Variants in DLG4 observed in about 807,000 individuals in gnomAD.
DLG4 encodes the protein discs large MAGUK scaffold protein 4, also known as disks large homolog 4.
Under a neutral mutation model 93.8 loss-of-function variants are expected in DLG4, and 7 were observed. The ratio of observed to expected loss-of-function variants is 0.07; its 90% confidence interval spans 0.04 to 0.14. The LOEUF (loss-of-function observed/expected upper bound fraction) is 0.14. Ranked by LOEUF, DLG4 falls within the 10% of genes least tolerant of loss-of-function variation. The pLI is 1.00. For synonymous variants in DLG4, 341 were observed against 387.6 expected (o/e 0.88, Z 1.41); for missense variants, 545 against 992.9 (o/e 0.55, Z 6.06).
upstream of DLG4, chr17:7,218,357 C>G (rs2071031455): frequency 5.3e-6 from 8 of 1,503,138 alleles, no homozygotes; most frequent in South Asian, 7.2e-5. Context: ...ATCACCGCTG[C>G]TGGCTGGCTG....
At chr17:7,211,226 A>G (rs2070693688) in intron 1 of DLG4, among the ~76,000 whole-genome samples, 2 of 151,704 alleles carry the variant, frequency 1.3e-5, no homozygotes, top group Non-Finnish European at 2.9e-5. Flanking sequence ...CAGGGCAACT[A>G]AAGCAGGACG....
chr17:7,192,042 G>A (rs754828513), intron 17 of DLG4, 40 bp from the exon 18 acceptor site: 6 of 1,206,308 alleles, frequency 5.0e-6, no homozygotes, highest in Non-Finnish European at 6.8e-6. Flanking sequence ...GCCAGCGGGT[G>A]GCGAGAAAGG....
At position 7,187,312 on chromosome 17, in the gene DLG4, G is replaced by T. The variant is rs540701967; in HGVS notation, c.*3396C>A. Among the ~76,000 whole-genome samples, 2 of 123,890 alleles carry T rather than the reference G, an allele frequency of 1.6e-5. 1 individual carries two copies. Among genetic ancestry groups the T allele is most frequent in the Admixed American group, 1.6e-4 (2 of 12,144 alleles). The allele number at this position is 123,890 out of a possible 152,430, so 81.3% of individuals were successfully genotyped here. On this transcript the variant is annotated 3_prime_UTR_variant, in exon 20 of 20. Coordinates refer to ENST00000399506, the MANE Select transcript of DLG4 (RefSeq NM_001321075.3). ...CCTAGCACTTTGGGAGGCCGAGGGG[G>T]GGGGGGGTGGATCACCCGAGGTCAG...
At position 7,208,296 on chromosome 17, in the gene DLG4, T is replaced by G; in HGVS notation, c.31-57A>C. ...CAGCCCGGTGCCTCAGGCTCCAGGCTGGCCGCCCTGGCCGCCGCCTCTTCC... is the reference window on the plus strand; with the variant it reads ...CAGCCCGGTGCCTCAGGCTCCAGGCGGGCCGCCCTGGCCGCCGCCTCTTCC... On this transcript the variant is annotated intron_variant, in intron 1 of 19. Transcript: ENST00000399506. The surrounding 1 kb of genome is among the most constrained non-coding windows in gnomAD (Gnocchi z 5.4). The G allele has an allele frequency of 7.8e-7, 1 of 1,290,096 alleles. No individual in the cohort carries two copies. The allele number at this position is 1,290,096 out of a possible 1,614,324, so 79.9% of individuals were successfully genotyped here.
At chr17:7,204,444 C>A in intron 2 of DLG4, 192 bp from the exon 3 acceptor site, 2 of 576,100 alleles carry the variant, frequency 3.5e-6, no homozygotes, top group Non-Finnish European at 6.1e-6. Context: ...TGCGCACGCG[C>A]ACACACACGC....
intron 17 of DLG4, chr17:7,192,260 G>A (rs2142816663): frequency 2.4e-6 from 1 of 411,748 alleles, no homozygotes; most frequent in Non-Finnish European, 4.3e-6. Flanking sequence ...GAAGGGAGGA[G>A]CACCAGGCAG....
At position 7,189,280 on chromosome 17, in the gene DLG4, A is replaced by G. The variant is rs1344179064; in HGVS notation, c.*1428T>C. Reference sequence around the variant, plus strand: ...GCTGAGGCGGGTGGATAACAAGGTCAGGAGTTCAAGACCAGCCTGACCAAC... The same window carrying G: ...GCTGAGGCGGGTGGATAACAAGGTCGGGAGTTCAAGACCAGCCTGACCAAC... On this transcript the variant is annotated 3_prime_UTR_variant, in exon 20 of 20. Transcript: ENST00000399506. Among the ~76,000 whole-genome samples, 1 of 151,898 alleles carries G rather than the reference A, an allele frequency of 6.6e-6. No homozygotes were observed. Among genetic ancestry groups the G allele is most frequent in the Admixed American group, 6.6e-5 (1 of 15,256 alleles).
upstream of DLG4, chr17:7,219,279 G>A (rs540106209): frequency 1.5e-3 from 840 of 562,652 alleles, 10 homozygotes; most frequent in African/African-American, 0.016. Flanking sequence ...CTCAGGCCCG[G>A]GAGGAATCCA....
rs2070566251 is a variant in DLG4, at chr17:7,208,183, G to A, written c.87C>T (p.Leu29=). The A allele has an allele frequency of 2.3e-6, 3 of 1,315,732 alleles. No individual in the cohort carries two copies. The African/African-American group carries it at 4.5e-5, about 20-fold the overall frequency. 81.5% of individuals were successfully genotyped at this position (1,315,732 alleles called of 1,614,324 possible). A position where few individuals can be genotyped will look rare whatever the true frequency, so the allele number is the denominator to read the frequency against. Residue 29 remains leucine, a synonymous_variant, in exon 2 of 20, where the codon CTC becomes CTT. Transcript: ENST00000399506. This position sits in a 1 kb window ranked among gnomAD's most constrained non-coding sequence, Gnocchi z 5.4. ...GCTCGGGGGCGTTTACCTGGTTGGG[G>A]AGGTGGGCCGGGCTGTGCTCCAGAG... ...TPPLEHSPAH[L]PNQANSPPVI...
At chr17:7,212,988 G>A (rs539834320) in intron 1 of DLG4, among the ~76,000 whole-genome samples, 2 of 152,164 alleles carry the variant, frequency 1.3e-5, no homozygotes, top group Non-Finnish European at 2.9e-5. Flanking sequence ...AGCCGAGATC[G>A]TGCCACTGCA....
upstream of DLG4, chr17:7,219,921 T>C (rs77051465): frequency 8.4e-3 from 13,042 of 1,555,394 alleles, 86 homozygotes; most frequent in South Asian, 0.02. Context: ...CGCCAGGACG[T>C]GGGCGTGCAG....
chr17:7,205,026 T>A, intron 2 of DLG4: 2 of 985,264 alleles, frequency 2.0e-6, no homozygotes, highest in South Asian at 4.7e-5. Context: ...GCAGAAGGGA[T>A]CCGCTAGCCC....
In DLG4 at chr17:7,193,471, C is replaced by A; in HGVS notation, c.1693+12G>T. On this transcript the variant is annotated intron_variant, in intron 16 of 19. Transcript: ENST00000399506. This position sits in a 1 kb window ranked among gnomAD's most constrained non-coding sequence, Gnocchi z 6.7. ...TTCCACCTTCTCCTCCATCCAAGGC[C>A]CCAGCACTCACGGGGAACACAGGAT... The A allele has an allele frequency of 6.5e-7, 1 of 1,527,950 alleles. No individual in the cohort carries two copies. 94.6% of individuals were successfully genotyped at this position (1,527,950 alleles called of 1,614,324 possible). A position where few individuals can be genotyped will look rare whatever the true frequency, so the allele number is the denominator to read the frequency against.
At chr17:7,216,283 G>A (rs547207409) in intron 1 of DLG4, among the ~76,000 whole-genome samples, 20 of 152,134 alleles carry the variant, frequency 1.3e-4, no homozygotes, top group Non-Finnish European at 2.5e-4. Flanking sequence ...GGAGGAGATG[G>A]GGATATTGGG....
chr17:7,196,815 A>G lies in DLG4; in HGVS notation c.1025T>C (p.Leu342Pro). Residue 342 changes from leucine (L) to proline (P), a missense_variant, in exon 9 of 20, where the codon CTG becomes CCG. Physicochemically the swap from Leu to Pro is moderately conservative, Grantham distance 98 (BLOSUM62 -3). Coordinates refer to ENST00000399506, the MANE Select transcript of DLG4 (RefSeq NM_001321075.3). This position sits in a 1 kb window ranked among gnomAD's most constrained non-coding sequence, Gnocchi z 8.3. ...DGEGIFISFI[L>P]AGGPADLSGE... The stretch of plus-strand genomic sequence containing the variant: ...ACTGAGGTCTGCAGGGCCCCCGGCC[A>G]GGATAAAGGAGATGAAGATGCCTTC... The G allele has an allele frequency of 6.2e-7, 1 of 1,612,806 alleles. No homozygotes were observed. Among genetic ancestry groups the G allele is most frequent in the Non-Finnish European group, 8.5e-7 (1 of 1,179,454 alleles).
rs2069395196 is a variant in DLG4, at chr17:7,189,780, C to A, written c.*928G>T. The A allele has an allele frequency of 6.6e-6, 1 of 152,528 alleles. No individual in the cohort carries two copies. 9.4% of individuals were successfully genotyped at this position (152,528 alleles called of 1,614,324 possible). On this transcript the variant is annotated 3_prime_UTR_variant, in exon 20 of 20. Transcript: ENST00000399506. ...CTTGATTTGCCAGTTACCTCCCTGG[C>A]CCATTTTCCAGGCCACTAACCTCTC...
In DLG4 at chr17:7,203,793, G is replaced by A. The variant is rs1231392921; in HGVS notation, c.234C>T (p.Ser78=). The A allele has an allele frequency of 4.3e-6, 7 of 1,613,828 alleles. No homozygotes were observed. Among genetic ancestry groups the A allele is most frequent in the Non-Finnish European group, 5.9e-6 (7 of 1,179,900 alleles). The change falls in exon 5 of 20, where the codon AGC becomes AGT. Residue 78 remains serine (S), a synonymous_variant. Coordinates refer to ENST00000399506, the MANE Select transcript of DLG4 (RefSeq NM_001321075.3). The surrounding 1 kb of genome is among the most constrained non-coding windows in gnomAD (Gnocchi z 7.2). ...GTGGGTTGTCAGTGCCACCTGCGAT[G>A]CTGAAGCCCAGACCTGAGTTACCCT... ...LERGNSGLGF[S]IAGGTDNPHI...
Position 7,196,914 on chromosome 17 carries a change from C to G in DLG4, c.926G>C (p.Arg309Pro). ...GTGGATCACAATTCGCCTCGGTTCT[C>G]GGGGAATGTCTTCCTCCCCGAGCAG... is the stretch of plus-strand genomic sequence containing the variant. The part of the protein sequence containing the change: ...KDLLGEEDIP[R>P]EPRRIVIHRG... The change falls in exon 9 of 20, where the codon CGA becomes CCA. Residue 309 changes from arginine (R) to proline (P), a missense_variant. Arg to Pro is a moderately radical substitution (Grantham distance 103, BLOSUM62 -2). Around this residue, in one of 5 missense-constraint regions of DLG4, gnomAD observed 428 missense variants for 741.4 expected, o/e 0.58. Coordinates refer to ENST00000399506, the MANE Select transcript of DLG4 (RefSeq NM_001321075.3). The surrounding 1 kb of genome is among the most constrained non-coding windows in gnomAD (Gnocchi z 8.3). The G allele has an allele frequency of 6.2e-7, 1 of 1,613,816 alleles. No individual in the cohort carries two copies. The highest frequency in any genetic ancestry group is 1.7e-5 in the Admixed American group (1 of 60,008).
In DLG4 at chr17:7,208,669, C is replaced by T. The variant is rs897774019; in HGVS notation, c.31-430G>A. On this transcript the variant is annotated intron_variant, in intron 1 of 19. Transcript: ENST00000399506. This position sits in a 1 kb window ranked among gnomAD's most constrained non-coding sequence, Gnocchi z 5.4. ...CCAACTTCCTTGCTTCTCTCACCAT[C>T]TCAGACTCACTCTTGTTCTAGCCTC... is the stretch of plus-strand genomic sequence containing the variant. Among the ~76,000 whole-genome samples the T allele has an allele frequency of 2.0e-5, 3 of 152,114 alleles. No homozygotes were observed. The highest frequency in any genetic ancestry group is 4.8e-5 in the African/African-American group (2 of 41,408).
Sources: gnomAD v4.1 joint callset for allele counts (sites outside exome capture counted in the v4.1 genomes callset) on GRCh38, gnomAD v4.1.1 for gene constraint, gnomAD v4.1.1 regional missense constraint, Gnocchi (gnomAD v3.1) non-coding constraint, MANE v1.5 for transcripts, NCBI Gene and HGNC (gene_info 2026-07-23, HGNC 2026-07-21) for gene names.